CTTNBP2NL: variants seen among roughly 807,000 people sequenced by gnomAD.
CTTNBP2NL encodes the protein CTTNBP2 N-terminal-like protein.
CTTNBP2NL carries 16 observed loss-of-function variants against 32.5 expected under a neutral mutation model. That is an observed-to-expected ratio of 0.49 (90% CI 0.33 to 0.75). The LOEUF (loss-of-function observed/expected upper bound fraction) is 0.75, where lower values mean the gene tolerates loss of function less well. Ranked by LOEUF, CTTNBP2NL falls within the 30% of genes least tolerant of loss-of-function variation. CTTNBP2NL has a pLI of 0.02. For missense variants in CTTNBP2NL, 645 were observed against 756.0 expected (o/e 0.85, Z 1.72); for synonymous variants, 298 against 289.4 (o/e 1.03, Z -0.30).
chr1:112,407,697 A>C (rs1262966850), intron 1 of CTTNBP2NL, among the ~76,000 whole-genome samples: 1 of 152,176 alleles, frequency 6.6e-6, no homozygotes, highest in African/African-American at 2.4e-5. Flanking sequence ...ATATTCCAGT[A>C]ATATCTTTCA....
At chr1:112,422,096 A>C (rs1649249528) in intron 3 of CTTNBP2NL, among the ~76,000 whole-genome samples, 1 of 152,294 alleles carries the variant, frequency 6.6e-6, no homozygotes, top group East Asian at 1.9e-4. Context: ...ATTGCTCCCC[A>C]AAATTTTTAT....
At chr1:112,420,615 C>T (rs1181521809) in intron 3 of CTTNBP2NL, among the ~76,000 whole-genome samples, 1 of 152,108 alleles carries the variant, frequency 6.6e-6, no homozygotes, top group Non-Finnish European at 1.5e-5. Flanking sequence ...ACTACAGGGG[C>T]ATGCCACTAT....
chr1:112,401,002 A>G (rs1648483073), intron 1 of CTTNBP2NL, among the ~76,000 whole-genome samples: 1 of 151,786 alleles, frequency 6.6e-6, no homozygotes, highest in Admixed American at 6.6e-5. Context: ...GATTACATGA[A>G]TATACACACA....
chr1:112,393,163 C>T (rs1648224790), upstream of CTTNBP2NL, among the ~76,000 whole-genome samples: 1 of 152,012 alleles, frequency 6.6e-6, no homozygotes, highest in Admixed American at 6.6e-5. Context: ...CGTCCAACAC[C>T]CTGATTTTGT....
rs1361793419 is a variant in CTTNBP2NL, at chr1:112,449,972, C to T, written c.330+800C>T. Among the ~76,000 whole-genome samples the T allele has an allele frequency of 2.6e-5, 4 of 152,162 alleles. No homozygotes were observed. The South Asian group carries it at 8.3e-4, about 32-fold the overall frequency. ...CCAACTTGTCATCTTGTCATTTACT[C>T]CTCAAATTTGGCCTGTAAAAGATGC... On this transcript the variant is annotated intron_variant, in intron 4 of 5. Transcript: ENST00000271277.
At chr1:112,424,823 GGTTT>G (rs890713924) in intron 3 of CTTNBP2NL, among the ~76,000 whole-genome samples, 2 of 151,704 alleles carry the variant, frequency 1.3e-5, no homozygotes, top group African/African-American at 4.8e-5. Flanking sequence ...GTTTTGGTTT[GGTTT>G]GTTTTTTTGA....
chr1:112,445,061 TG>T (rs1432140160), intron 3 of CTTNBP2NL, among the ~76,000 whole-genome samples: 1 of 152,196 alleles, frequency 6.6e-6, no homozygotes, highest in Non-Finnish European at 1.5e-5. Context: ...ACTTGCTGTG[TG>T]GGAAGCTGGC....
intron 3 of CTTNBP2NL, among the ~76,000 whole-genome samples, chr1:112,423,137 C>T (rs2101008250): frequency 6.6e-6 from 1 of 152,130 alleles, no homozygotes. Context: ...AAATCTTTTG[C>T]CCATTTTTTT....
At position 112,449,047 on chromosome 1, in the gene CTTNBP2NL, G is replaced by A; in HGVS notation, c.205G>A (p.Asp69Asn). The A allele has an allele frequency of 6.2e-7, 1 of 1,612,526 alleles. No homozygotes were observed. The highest frequency in any genetic ancestry group is 8.5e-7 in the Non-Finnish European group (1 of 1,178,502). The change falls in exon 4 of 6, where the codon GAT (aspartate) becomes AAT (asparagine). Residue 69 changes from aspartate (D) to asparagine (N), a missense_variant. Asp to Asn is a conservative substitution (Grantham distance 23). Transcript: ENST00000271277. ...RDFETLKEKN[D>N]GEKQPVCTNP... is the part of the protein sequence containing the mutation. ...TTTTGAAACACTGAAGGAGAAAAAT[G>A]ATGGCGAAAAGCAGCCAGTCTGCAC...
intron 2 of CTTNBP2NL, among the ~76,000 whole-genome samples, chr1:112,412,606 AC>A (rs1363874726): frequency 1.7e-5 from 2 of 118,942 alleles, no homozygotes; most frequent in East Asian, 5.7e-4. Context: ...CTGAGTTGGT[AC>A]CTTTTTTTTT....
Position 112,458,298 on chromosome 1 carries a change from C to T in CTTNBP2NL, c.*886C>T, listed in dbSNP as rs2101038397. On this transcript the variant is annotated 3_prime_UTR_variant, in exon 6 of 6. Coordinates refer to ENST00000271277, the MANE Select transcript of CTTNBP2NL (RefSeq NM_018704.3). ...TTATTCTGTAATCAAAAAGCAATAA[C>T]TTGAAATTCACTCTGTAATATTATA... 7.2e-6 allele frequency: 1 copy of T among 138,754 alleles called. No homozygotes were observed. Among genetic ancestry groups the T allele is most frequent in the Admixed American group, 7.8e-5 (1 of 12,758 alleles). The allele number at this position is 138,754 out of a possible 1,614,324, so 8.6% of individuals were successfully genotyped here. A position where few individuals can be genotyped will look rare whatever the true frequency, so the allele number is the denominator to read the frequency against.
chr1:112,391,747 T>C (rs1570705542), upstream of CTTNBP2NL, among the ~76,000 whole-genome samples: 1 of 152,106 alleles, frequency 6.6e-6, no homozygotes, highest in South Asian at 2.1e-4. Flanking sequence ...CCCAACACTT[T>C]GGGAGGCCGA....
intron 1 of CTTNBP2NL, among the ~76,000 whole-genome samples, chr1:112,399,431 A>C (rs1424894756): frequency 6.6e-6 from 1 of 152,162 alleles, no homozygotes; most frequent in East Asian, 1.9e-4. Context: ...TTTTTAAAGT[A>C]ACACTAAAAA....
At chr1:112,393,535 C>T (rs915052752), upstream of CTTNBP2NL, among the ~76,000 whole-genome samples, 2 of 152,130 alleles carry the variant, frequency 1.3e-5, no homozygotes, top group African/African-American at 4.8e-5. Context: ...TCTGCGTACA[C>T]CTATGCACCA....
At chr1:112,453,345 G>A (rs1266305064) in intron 4 of CTTNBP2NL, among the ~76,000 whole-genome samples, 1 of 152,166 alleles carries the variant, frequency 6.6e-6, no homozygotes, top group Non-Finnish European at 1.5e-5. Context: ...TGGGACAAGA[G>A]TGCTCTACCC....
chr1:112,399,717 A>T (rs1267845282), intron 1 of CTTNBP2NL, among the ~76,000 whole-genome samples: 1 of 152,202 alleles, frequency 6.6e-6, no homozygotes, highest in African/African-American at 2.4e-5. Flanking sequence ...TGTTCAGTCT[A>T]TGCTGGTTGG....
At chr1:112,426,719 G>A (rs1649414916) in intron 3 of CTTNBP2NL, among the ~76,000 whole-genome samples, 1 of 148,432 alleles carries the variant, frequency 6.7e-6, no homozygotes, top group Non-Finnish European at 1.5e-5. Flanking sequence ...TGATTCTCCT[G>A]CCTCAGCCTC....
chr1:112,404,502 C>T (rs990206453), intron 1 of CTTNBP2NL, among the ~76,000 whole-genome samples: 3 of 152,166 alleles, frequency 2.0e-5, no homozygotes, highest in African/African-American at 4.8e-5. Context: ...CGTCATCATC[C>T]TACATTAGCA....
intron 1 of CTTNBP2NL, among the ~76,000 whole-genome samples, chr1:112,409,816 G>C (rs533227805): frequency 6.6e-6 from 1 of 152,322 alleles, no homozygotes; most frequent in Admixed American, 6.5e-5. Context: ...GTGGAGCTCG[G>C]ATAGTATCCA....
Sources: gnomAD v4.1 joint callset for allele counts (sites outside exome capture counted in the v4.1 genomes callset) on GRCh38, gnomAD v4.1.1 for gene constraint, MANE v1.5 for transcripts, NCBI Gene and HGNC (gene_info 2026-07-23, HGNC 2026-07-21) for gene names.